The following TMEM232 variants were observed in gnomAD, a reference collection of about 807,000 sequenced individuals.
TMEM232 encodes the protein transmembrane protein 232.
TMEM232 carries 80 observed loss-of-function variants against 78.8 expected under a neutral mutation model. The observed-to-expected ratio is 1.01, with a 90% CI of 0.85 to 1.22. TMEM232 has a LOEUF of 1.22. Among genes scored for constraint, TMEM232 ranks in the 50% most tolerant of loss-of-function variants. The probability of loss-of-function intolerance (pLI) is 0.00; values close to 1 mark genes in which losing one functional copy is unlikely to be tolerated. For missense variants in TMEM232, 881 were observed against 742.2 expected, an observed-to-expected ratio of 1.19 and a Z score of -2.17; for synonymous variants, 297 against 254.3, an observed-to-expected ratio of 1.17 and a Z score of -1.60.
chr5:110,458,842 T>C (rs1043198296), intron 12 of TMEM232, among the ~76,000 whole-genome samples: 2 of 152,220 alleles, frequency 1.3e-5, no homozygotes, highest in Non-Finnish European at 2.9e-5. Flanking sequence ...CTTGGTTGGA[T>C]GCCGTTGCAT....
intron 11 of TMEM232, among the ~76,000 whole-genome samples, chr5:110,555,498 T>C (rs1327198808): frequency 6.6e-6 from 1 of 152,192 alleles, no homozygotes; most frequent in Non-Finnish European, 1.5e-5. Context: ...GAGGGAGTGC[T>C]CTGTAGATTT....
chr5:110,681,841 G>A (rs928304383), intron 1 of TMEM232, among the ~76,000 whole-genome samples: 5 of 152,166 alleles, frequency 3.3e-5, no homozygotes, highest in African/African-American at 1.2e-4. Context: ...ACCTACTGCA[G>A]AAATAATTCA....
chr5:110,685,546 T>C (rs1422101290), intron 1 of TMEM232, among the ~76,000 whole-genome samples: 1 of 152,130 alleles, frequency 6.6e-6, no homozygotes, highest in Non-Finnish European at 1.5e-5. Flanking sequence ...AACTCTAATA[T>C]GTTGCTGATG....
At chr5:110,519,639 G>C (rs1456033767) in intron 12 of TMEM232, among the ~76,000 whole-genome samples, 1 of 151,906 alleles carries the variant, frequency 6.6e-6, no homozygotes, top group African/African-American at 2.4e-5. Flanking sequence ...CCAAAAGAAA[G>C]AAAATCAGTA....
rs10522202 is a variant in TMEM232 at position 110,721,673 on chromosome 5, GTATA to G, written c.-13+4950_-13+4953del. Among the ~76,000 whole-genome samples the G allele has an allele frequency of 1.7e-4, 6 of 35,496 alleles. 1 individual carries two copies. In the Admixed American group the frequency reaches 2.4e-3, roughly 14 times the overall value. The allele number at this position is 35,496 out of a possible 152,430, so 23.3% of individuals were successfully genotyped here. A position where few individuals can be genotyped will look rare whatever the true frequency, so the allele number is the denominator to read the frequency against. The stretch of plus-strand genomic sequence containing the variant: ...GCATATCATGTGTGTGTGTGTGTGT[GTATA>G]TATATATCTGTGTGTGTTAGTGTTT... On this transcript the variant is annotated intron_variant, in intron 1 of 13. Coordinates refer to ENST00000455884, the MANE Select transcript of TMEM232 (RefSeq NM_001039763.4).
At chr5:110,716,471 T>C (rs1797024505) in intron 1 of TMEM232, among the ~76,000 whole-genome samples, 1 of 152,134 alleles carries the variant, frequency 6.6e-6, no homozygotes, top group South Asian at 2.1e-4. Flanking sequence ...TGGGAGACAG[T>C]GACAGATCAT....
chr5:110,598,339 A>G (rs1206428226), intron 10 of TMEM232, among the ~76,000 whole-genome samples: 2 of 152,216 alleles, frequency 1.3e-5, no homozygotes, highest in African/African-American at 4.8e-5. Flanking sequence ...TAGAATGGCA[A>G]TCATTCAAAA....
chr5:110,687,101 C>T (rs1447663326), intron 1 of TMEM232, among the ~76,000 whole-genome samples: 1 of 152,132 alleles, frequency 6.6e-6, no homozygotes, highest in African/African-American at 2.4e-5. Context: ...CTACCATTCT[C>T]CTTCTGACCT....
intron 1 of TMEM232, among the ~76,000 whole-genome samples, chr5:110,676,224 T>G (rs985413725): frequency 6.6e-6 from 1 of 152,218 alleles, no homozygotes; most frequent in African/African-American, 2.4e-5. Flanking sequence ...AATGCTGCAA[T>G]GAACATGGGA....
chr5:110,419,071 T>C (rs1756406253), downstream of TMEM232, among the ~76,000 whole-genome samples: 1 of 151,894 alleles, frequency 6.6e-6, no homozygotes, highest in South Asian at 2.1e-4. Context: ...GAGTGAGTGA[T>C]GAAGAGGGAC....
intron 1 of TMEM232, among the ~76,000 whole-genome samples, chr5:110,709,018 CAAAAT>C (rs1456855864): frequency 6.6e-6 from 1 of 151,762 alleles, no homozygotes; most frequent in East Asian, 1.9e-4. Context: ...CAAATAGACT[CAAAAT>C]AAAGAGATGG....
Position 110,476,061 on chromosome 5 carries a change from C to A in TMEM232, c.1704-51145G>T, listed in dbSNP as rs188623487. 3.4e-3 allele frequency among the ~76,000 whole-genome samples: 515 copies of A among 151,996 alleles called. 1 individual carries two copies. Among genetic ancestry groups the A allele is most frequent in the Admixed American group, 6.0e-3 (92 of 15,238 alleles). Reference sequence around the variant, plus strand: ...TACTAACTCTGTAGGTATTGTTGGGCAACCCATTTCAACACTGAATTCTTT... The same window carrying A: ...TACTAACTCTGTAGGTATTGTTGGGAAACCCATTTCAACACTGAATTCTTT... On this transcript the variant is annotated intron_variant, in intron 12 of 13. Coordinates refer to ENST00000455884, the MANE Select transcript of TMEM232 (RefSeq NM_001039763.4).
intron 1 of TMEM232, among the ~76,000 whole-genome samples, chr5:110,693,347 A>T (rs1294761798): frequency 6.6e-6 from 1 of 152,194 alleles, no homozygotes; most frequent in East Asian, 1.9e-4. Context: ...AACCACAAAG[A>T]TGGGGAAAAA....
At chr5:110,698,294 G>T (rs903667001) in intron 1 of TMEM232, among the ~76,000 whole-genome samples, 3 of 151,894 alleles carry the variant, frequency 2.0e-5, no homozygotes, top group Admixed American at 2.0e-4. Context: ...TGTGGGGTGG[G>T]TGGAGGGGGA....
At chr5:110,532,419 G>A (rs546096763) in intron 11 of TMEM232, among the ~76,000 whole-genome samples, 2 of 151,476 alleles carry the variant, frequency 1.3e-5, no homozygotes, top group Admixed American at 6.6e-5. Flanking sequence ...TAATCAATAC[G>A]GAGGCTACCC....
chr5:110,530,986 C>A (rs938282800), intron 11 of TMEM232, among the ~76,000 whole-genome samples: 1 of 152,128 alleles, frequency 6.6e-6, no homozygotes, highest in Admixed American at 6.5e-5. Flanking sequence ...GTGACCTGCC[C>A]GTACACATCC....
At chr5:110,710,123 C>T (rs893132336) in intron 1 of TMEM232, among the ~76,000 whole-genome samples, 3 of 151,916 alleles carry the variant, frequency 2.0e-5, no homozygotes, top group African/African-American at 7.2e-5. Flanking sequence ...TCATTAATGG[C>T]TACTAGGAGC....
chr5:110,415,325 C>G (rs1015212490), downstream of TMEM232, among the ~76,000 whole-genome samples: 23 of 151,874 alleles, frequency 1.5e-4, no homozygotes, highest in Non-Finnish European at 2.8e-4. Context: ...GTAGCTGGGA[C>G]TACAGGCGCC....
At chr5:110,581,351 G>A (rs1169204061) in intron 10 of TMEM232, among the ~76,000 whole-genome samples, 1 of 151,620 alleles carries the variant, frequency 6.6e-6, no homozygotes, top group Non-Finnish European at 1.5e-5. Flanking sequence ...AGAGAACCGA[G>A]AAATGAAGCC....
Sources: allele counts gnomAD v4.1 joint callset (sites outside exome capture counted in the v4.1 genomes callset), GRCh38; gene constraint gnomAD v4.1.1; transcripts MANE v1.5; gene names NCBI Gene and HGNC (gene_info 2026-07-23, HGNC 2026-07-21).